Variants in SMTNL1 observed in about 807,000 individuals in gnomAD.
SMTNL1 encodes smoothelin like 1.
In SMTNL1, 41 loss-of-function variants were observed where a neutral mutation model predicts 46.6. The observed-to-expected ratio is 0.88, with a 90% CI of 0.69 to 1.14. The LOEUF is 1.14. Among genes scored for constraint, SMTNL1 ranks in the 50% most tolerant of loss-of-function variants. The pLI is 0.00. For missense variants in SMTNL1, 591 were observed against 626.1 expected, an observed-to-expected ratio of 0.94 and a Z score of 0.60; for synonymous variants, 234 against 234.2, an observed-to-expected ratio of 1.00 and a Z score of 0.01.
At chr11:57,541,722 C>A (rs1263535110) in intron 1 of SMTNL1, among the ~76,000 whole-genome samples, 1 of 152,200 alleles carries the variant, frequency 6.6e-6, no homozygotes, top group African/African-American at 2.4e-5. Flanking sequence ...GCTACATCTG[C>A]ACTGCCTATA....
In SMTNL1 at chr11:57,545,871, C is replaced by T. The variant is rs940140140; in HGVS notation, c.918-10C>T. On this transcript the variant is annotated splice_polypyrimidine_tract_variant and intron_variant, in intron 4 of 7. Coordinates refer to ENST00000527972, the MANE Select transcript of SMTNL1 (RefSeq NM_001105565.3). ...GCCTCTCTCACACGTCTTTGGACTTCTCCATATAGTGAGTCTTCACCCAGC... is the reference window on the plus strand; with the variant it reads ...GCCTCTCTCACACGTCTTTGGACTTTTCCATATAGTGAGTCTTCACCCAGC... 4 of 1,610,284 alleles carry T rather than the reference C, an allele frequency of 2.5e-6. No individual in the cohort carries two copies.
intron 7 of SMTNL1, among the ~76,000 whole-genome samples, chr11:57,548,847 T>C (rs1944938689): frequency 6.6e-6 from 1 of 152,038 alleles, no homozygotes; most frequent in African/African-American, 2.4e-5. Flanking sequence ...TTCTATGCCA[T>C]GAGAGTGCAG....
chr11:57,546,696 G>T, intron 7 of SMTNL1, 44 bp downstream of exon 7: 1 of 1,590,254 alleles, frequency 6.3e-7, no homozygotes, highest in Non-Finnish European at 8.6e-7. Context: ...GGGAGCCTAG[G>T]CGAGGACTGG....
chr11:57,546,819 C>T (rs1255081371), intron 7 of SMTNL1, among the ~76,000 whole-genome samples, 167 bp downstream of exon 7: 1 of 152,136 alleles, frequency 6.6e-6, no homozygotes, highest in Admixed American at 6.5e-5. Flanking sequence ...GGGGATACAG[C>T]AGTGGGTGAA....
chr11:57,538,079 T>G (rs1294794949), intron 1 of SMTNL1, among the ~76,000 whole-genome samples: 1 of 152,052 alleles, frequency 6.6e-6, no homozygotes, highest in Non-Finnish European at 1.5e-5. Flanking sequence ...CTATCGTTAG[T>G]GTTAACGTAT....
Position 57,542,139 on chromosome 11 carries a change from C to CAAAA in SMTNL1, c.-2-501_-2-500insAAAA, listed in dbSNP as rs755994227. ...ACACACACACACACACACACACACACACACAAAAATTAGCCAGGTGTGGTG... is the reference window on the plus strand; with the variant it reads ...ACACACACACACACACACACACACACAAAAACACAAAAATTAGCCAGGTGTGGTG... On this transcript the variant is annotated intron_variant, in intron 1 of 7. Coordinates refer to ENST00000527972, the MANE Select transcript of SMTNL1 (RefSeq NM_001105565.3). 4.8e-3 allele frequency among the ~76,000 whole-genome samples: 708 copies of CAAAA among 148,682 alleles called. 14 individuals carry two copies. Among genetic ancestry groups the CAAAA allele is most frequent in the African/African-American group, 0.016 (645 of 39,808 alleles).
rs975902932 is a variant in SMTNL1 at position 57,545,964 on chromosome 11, G to A, written c.1001G>A (p.Arg334Lys). Reference sequence around the variant, plus strand: ...AAGAAGGAGAAGGCACCAGAGCGCAGGGTATCAGCCCCTGCTCGGCCCCGG... The same window carrying A: ...AAGAAGGAGAAGGCACCAGAGCGCAAGGTATCAGCCCCTGCTCGGCCCCGG... ...GEKKEKAPER[R>K]VSAPARPRGP... The change falls in exon 5 of 8, where the codon AGG becomes AAG. Residue 334 changes from arginine to lysine, a missense_variant. Coordinates refer to ENST00000527972, the MANE Select transcript of SMTNL1 (RefSeq NM_001105565.3). 1.7e-5 allele frequency: 27 copies of A among 1,613,430 alleles called. No homozygotes were observed. The highest frequency in any genetic ancestry group is 2.2e-5 in the Non-Finnish European group (26 of 1,179,732).
chr11:57,543,811 C>A, intron 3 of SMTNL1, 55 bp downstream of exon 3: 3 of 1,558,116 alleles, frequency 1.9e-6, no homozygotes, highest in African/African-American at 1.4e-5. Flanking sequence ...GGGGGAGGGG[C>A]GCAAGAAGCA....
intron 4 of SMTNL1, 65 bp downstream of exon 4, chr11:57,543,985 C>T: frequency 1.3e-6 from 2 of 1,488,332 alleles, no homozygotes; most frequent in South Asian, 2.4e-5. Context: ...CAGCGTCCAC[C>T]ATCAACTCAG....
chr11:57,538,336 C>T (rs888595434), intron 1 of SMTNL1, among the ~76,000 whole-genome samples: 3 of 152,184 alleles, frequency 2.0e-5, no homozygotes, highest in Non-Finnish European at 2.9e-5. Flanking sequence ...GGTCCCTTTC[C>T]TCCTGGTCTG....
At chr11:57,546,144 T>C (rs1944920966) in intron 5 of SMTNL1, 89 bp from the exon 6 acceptor site, 1 of 1,507,568 alleles carries the variant, frequency 6.6e-7, no homozygotes. Context: ...GCAGGAGGAC[T>C]GACACCTGGG....
In SMTNL1 at chr11:57,550,117, G is replaced by A; in HGVS notation, c.*5G>A. On this transcript the variant is annotated 3_prime_UTR_variant, in exon 8 of 8. Coordinates refer to ENST00000527972, the MANE Select transcript of SMTNL1 (RefSeq NM_001105565.3). ...GTGAAGACCAAGAAGAAGTGAGGAG[G>A]TGACTGGCTCTGTGGGCAGAGATGG... The A allele has an allele frequency of 6.2e-7, 1 of 1,610,176 alleles. No homozygotes were observed. Among genetic ancestry groups the A allele is most frequent in the South Asian group, 1.1e-5 (1 of 90,380 alleles).
chr11:57,539,966 C>T (rs1944860295), intron 1 of SMTNL1, among the ~76,000 whole-genome samples: 1 of 152,150 alleles, frequency 6.6e-6, no homozygotes, highest in African/African-American at 2.4e-5. Flanking sequence ...ACTGCTAGTC[C>T]ATGTCACCTT....
At position 57,545,694 on chromosome 11, in the gene SMTNL1, AC is replaced by A. The variant is rs1217296699; in HGVS notation, c.918-185del. On this transcript the variant is annotated intron_variant, in intron 4 of 7. Transcript: ENST00000527972. ...AGCTCTACCCACATGTCCTCACCAG[AC>A]CACATTCTCCCCCAAGTTAGACTGA... is the stretch of plus-strand genomic sequence containing the variant. Among the ~76,000 whole-genome samples the A allele has an allele frequency of 3.3e-5, 5 of 151,926 alleles. No individual in the cohort carries two copies. In the East Asian group the frequency reaches 9.7e-4, roughly 29 times the overall value.
chr11:57,546,334 C>CA lies in SMTNL1; in HGVS notation c.1182dup (p.Tyr395IlefsTer29). The CA allele has an allele frequency of 2.6e-6, 4 of 1,523,508 alleles. No homozygotes were observed. Among genetic ancestry groups the CA allele is most frequent in the Non-Finnish European group, 3.5e-6 (4 of 1,130,742 alleles). 94.4% of individuals were successfully genotyped at this position (1,523,508 alleles called of 1,614,324 possible). ...CTCTTGGAGTGGTGCCGAGCCATGA[C>CA]AAAAAAATACGAGGTGGGCATGGGG... On this transcript the variant is annotated frameshift_variant, in exon 6 of 8. Coordinates refer to ENST00000527972, the MANE Select transcript of SMTNL1 (RefSeq NM_001105565.3). LOFTEE classifies it high-confidence loss of function.
At chr11:57,544,930 G>A (rs771695729) in intron 4 of SMTNL1, among the ~76,000 whole-genome samples, 8 of 149,668 alleles carry the variant, frequency 5.3e-5, no homozygotes, top group African/African-American at 7.4e-5. Context: ...TCTGCCTCCC[G>A]GGTTCAAGCG....
chr11:57,544,592 GTAC>G (rs977049189), intron 4 of SMTNL1, among the ~76,000 whole-genome samples: 4 of 152,228 alleles, frequency 2.6e-5, no homozygotes, highest in African/African-American at 9.6e-5. Context: ...GTTCTGCCAT[GTAC>G]CAGCTGTGTG....
chr11:57,549,210 G>A (rs909119723), intron 7 of SMTNL1, among the ~76,000 whole-genome samples: 11 of 152,034 alleles, frequency 7.2e-5, no homozygotes, highest in Non-Finnish European at 1.5e-4. Context: ...ATTTTTAGTA[G>A]AGATGGAATT....
chr11:57,541,214 C>T (rs1352527588), intron 1 of SMTNL1, among the ~76,000 whole-genome samples: 2 of 152,204 alleles, frequency 1.3e-5, no homozygotes, highest in African/African-American at 2.4e-5. Context: ...CTTCTTGCCT[C>T]CTGTCCTCTG....
Sources: allele counts gnomAD v4.1 joint callset (sites outside exome capture counted in the v4.1 genomes callset), GRCh38; gene constraint gnomAD v4.1.1; transcripts MANE v1.5; gene names NCBI Gene and HGNC (gene_info 2026-07-23, HGNC 2026-07-21).